The following LMNB1 variants were observed in gnomAD, a reference collection of about 807,000 sequenced individuals.
The protein encoded by LMNB1 is lamin-B1.
In LMNB1, 23 loss-of-function variants were observed where a neutral mutation model predicts 67.1. The ratio of observed to expected loss-of-function variants is 0.34; its 90% CI spans 0.25 to 0.49. LMNB1 has a LOEUF of 0.49. Among genes scored for constraint, LMNB1 ranks in the 20% least tolerant of loss-of-function variants. The pLI is 0.99. For missense variants in LMNB1, 634 were observed against 746.5 expected (o/e 0.85, Z 1.76); for synonymous variants, 281 against 282.9 (o/e 0.99, Z 0.07).
At position 126,832,779 on chromosome 5, in the gene LMNB1, A is replaced by G; in HGVS notation, c.1697A>G (p.Glu566Gly). The G allele has an allele frequency of 6.2e-7, 1 of 1,609,284 alleles. No individual in the cohort carries two copies. Among genetic ancestry groups the G allele is most frequent in the Non-Finnish European group, 8.5e-7 (1 of 1,177,014 alleles). The change falls in exon 10 of 11, where the codon GAG becomes GGG. Residue 566 changes from glutamate to glycine, a missense_variant. Physicochemically the swap from Glu to Gly is moderately conservative, Grantham distance 98. Transcript: ENST00000261366. ...EEEEAAGVVV[E>G]EELFHQQGTP... ...GAAGAAGCAGCTGGAGTGGTTGTTG[A>G]GGAAGAACTTTTCCACCAGCAGGTA...
intron 1 of LMNB1, among the ~76,000 whole-genome samples, chr5:126,792,840 T>C (rs1023742367): frequency 6.6e-6 from 1 of 151,994 alleles, no homozygotes; most frequent in Non-Finnish European, 1.5e-5. Context: ...CCTCCCAAAG[T>C]GCTGAGATTA....
At position 126,818,914 on chromosome 5, in the gene LMNB1, A is replaced by G. The variant is rs374807065; in HGVS notation, c.940-8A>G. ...CTAGAAAGTAAATATGTTTCCTTGC[A>G]TCTTAAGTCTAGAGCATGTTTGGAA... is the stretch of plus-strand genomic sequence containing the variant. On this transcript the variant is annotated splice_polypyrimidine_tract_variant and splice_region_variant and intron_variant, in intron 5 of 10. Coordinates refer to ENST00000261366, the MANE Select transcript of LMNB1 (RefSeq NM_005573.4). The G allele has an allele frequency of 2.0e-5, 32 of 1,595,676 alleles. No homozygotes were observed. Among genetic ancestry groups the G allele is most frequent in the Non-Finnish European group, 2.7e-5 (32 of 1,163,848 alleles).
At position 126,805,590 on chromosome 5, in the gene LMNB1, C is replaced by T. The variant is rs1185029241; in HGVS notation, c.536C>T (p.Ala179Val). ...TAATAGTTGGAAGCCTCCTTAGCTG[C>T]AGCCAAAAAACAGTTAGCAGATGAA... Reference protein sequence around the residue: ...QIAQLEASLAAAKKQLADETL... With the variant: ...QIAQLEASLAVAKKQLADETL... The change falls in exon 3 of 11, where the codon GCA becomes GTA. Residue 179 changes from alanine (A) to valine (V), a missense_variant. Coordinates refer to ENST00000261366, the MANE Select transcript of LMNB1 (RefSeq NM_005573.4). 3.1e-6 allele frequency: 5 copies of T among 1,608,582 alleles called. No individual in the cohort carries two copies. The highest frequency in any genetic ancestry group is 1.7e-4 in the Middle Eastern group (1 of 6,044).
intron 10 of LMNB1, among the ~76,000 whole-genome samples, chr5:126,834,448 T>G (rs1219594962): frequency 6.6e-6 from 1 of 152,200 alleles, no homozygotes; most frequent in African/African-American, 2.4e-5. Flanking sequence ...GTACCAGGTT[T>G]CTTAAAGGGC....
intron 1 of LMNB1, among the ~76,000 whole-genome samples, chr5:126,786,869 G>A (rs1176460837): frequency 6.6e-6 from 1 of 152,226 alleles, no homozygotes; most frequent in African/African-American, 2.4e-5. Flanking sequence ...AAAGAAAGGT[G>A]AAGATGAATT....
intron 6 of LMNB1, among the ~76,000 whole-genome samples, chr5:126,820,102 A>G (rs1225884092): frequency 6.6e-6 from 1 of 152,150 alleles, no homozygotes; most frequent in East Asian, 1.9e-4. Flanking sequence ...AGATTGTGCC[A>G]TTGCACTCCA....
intron 1 of LMNB1, 107 bp downstream of exon 1, chr5:126,777,974 C>A: frequency 9.8e-7 from 1 of 1,025,044 alleles, no homozygotes; most frequent in Non-Finnish European, 1.3e-6. Context: ...GGCCAGGATG[C>A]ACGCGTCCTT....
intron 1 of LMNB1, among the ~76,000 whole-genome samples, chr5:126,778,236 C>G (rs1378534863): frequency 6.6e-6 from 1 of 151,790 alleles, no homozygotes; most frequent in Admixed American, 6.6e-5. Flanking sequence ...GGAGCTGGAG[C>G]GCGAGCGCGC....
intron 7 of LMNB1, among the ~76,000 whole-genome samples, chr5:126,821,549 C>G (rs983139144): frequency 5.9e-5 from 9 of 152,140 alleles, no homozygotes; most frequent in African/African-American, 2.2e-4. Flanking sequence ...AGCCTGGACT[C>G]AGATATTAAG....
intron 1 of LMNB1, among the ~76,000 whole-genome samples, chr5:126,798,450 A>AAAAC (rs1216559112): frequency 2.0e-5 from 3 of 152,290 alleles, no homozygotes; most frequent in East Asian, 1.9e-4. Flanking sequence ...ACTCTGTCTC[A>AAAAC]AAACAAACAA....
Position 126,811,890 on chromosome 5 carries a change from C to G in LMNB1, c.931C>G (p.Gln311Glu). Residue 311 changes from glutamine to glutamate, a missense_variant, in exon 5 of 11, where the codon CAG (glutamine) becomes GAG (glutamate). Physicochemically the swap from Gln to Glu is conservative, Grantham distance 29 (BLOSUM62 2). Coordinates refer to ENST00000261366, the MANE Select transcript of LMNB1 (RefSeq NM_005573.4). ...ESLSSQLSNL[Q>E]KESRACLERI... ...CCTTTCATCCCAGCTTTCTAATCTA[C>G]AGAAAGAGGTAAATAATCATCTTTC... 1 of 1,610,674 alleles carries G rather than the reference C, an allele frequency of 6.2e-7. No homozygotes were observed. Among genetic ancestry groups the G allele is most frequent in the East Asian group, 2.2e-5 (1 of 44,832 alleles).
At chr5:126,812,442 T>C (rs2973887) in intron 5 of LMNB1, among the ~76,000 whole-genome samples, 43,163 of 152,198 alleles carry the variant, frequency 0.28, 6,476 homozygotes, top group South Asian at 0.38. Flanking sequence ...AAGTGACAAA[T>C]GGCATTATTG....
At chr5:126,787,150 A>T (rs1750807385) in intron 1 of LMNB1, among the ~76,000 whole-genome samples, 1 of 152,126 alleles carries the variant, frequency 6.6e-6, no homozygotes, top group African/African-American at 2.4e-5. Flanking sequence ...CAGAAAACCA[A>T]CACTACAGGA....
chr5:126,810,550 T>A (rs1052345113), intron 4 of LMNB1, among the ~76,000 whole-genome samples, 200 bp downstream of exon 4: 1 of 152,200 alleles, frequency 6.6e-6, no homozygotes, highest in Admixed American at 6.5e-5. Context: ...ACTAGAAGAA[T>A]GTAGGGTTGT....
intron 1 of LMNB1, among the ~76,000 whole-genome samples, chr5:126,793,747 G>A (rs1406892100): frequency 1.3e-5 from 2 of 151,940 alleles, no homozygotes; most frequent in Non-Finnish European, 2.9e-5. Flanking sequence ...GTAGTGTCGG[G>A]CGCCTGTAAT....
At chr5:126,788,906 T>TTTTTTTTG (rs1039473056) in intron 1 of LMNB1, among the ~76,000 whole-genome samples, 9 of 18,178 alleles carry the variant, frequency 5.0e-4, no homozygotes, top group African/African-American at 9.2e-4. Context: ...GTTTTTTTTG[T>TTTTTTTTG]TTTTTTTTTT....
chr5:126,822,038 C>G (rs576372961), intron 7 of LMNB1, among the ~76,000 whole-genome samples: 20 of 138,140 alleles, frequency 1.4e-4, no homozygotes, highest in African/African-American at 5.1e-4. Context: ...GAGTCTTGCT[C>G]TGTTGCCCAG....
intron 1 of LMNB1, among the ~76,000 whole-genome samples, chr5:126,780,859 T>C (rs1165216939): frequency 6.6e-6 from 1 of 152,222 alleles, no homozygotes; most frequent in Non-Finnish European, 1.5e-5. Flanking sequence ...ATTTTTCTTG[T>C]TAAGAAAAAT....
chr5:126,800,122 T>A (rs1255203323), intron 1 of LMNB1, among the ~76,000 whole-genome samples: 1 of 152,202 alleles, frequency 6.6e-6, no homozygotes, highest in Non-Finnish European at 1.5e-5. Context: ...GCTTCTTTCA[T>A]TTTTTAACAG....
Sources: allele counts gnomAD v4.1 joint callset (sites outside exome capture counted in the v4.1 genomes callset), GRCh38; gene constraint gnomAD v4.1.1; transcripts MANE v1.5; gene names NCBI Gene and HGNC (gene_info 2026-07-23, HGNC 2026-07-21).